Variants in WASF3 observed in about 807,000 individuals in gnomAD.
The protein encoded by WASF3 is actin-binding protein WASF3.
In WASF3, 11 loss-of-function variants were observed where a neutral mutation model predicts 46.6. The ratio of observed to expected loss-of-function variants is 0.24; its 90% confidence interval spans 0.15 to 0.39. WASF3 has a LOEUF of 0.39. Among genes scored for constraint, WASF3 ranks in the 10% least tolerant of loss-of-function variants. The pLI is 1.00. For missense variants in WASF3, 576 were observed against 669.8 expected (o/e 0.86, Z 1.55); for synonymous variants, 242 against 259.7 (o/e 0.93, Z 0.65).
intron 2 of WASF3, chr13:26,640,373 G>T (rs750095187): frequency 2.0e-5 from 3 of 151,714 alleles, no homozygotes. Flanking sequence ...CCTTAAGTAG[G>T]AAGTTAAGAT....
intron 1 of WASF3, among the ~76,000 whole-genome samples, chr13:26,609,771 T>C (rs1880913910): frequency 6.6e-6 from 1 of 152,184 alleles, no homozygotes; most frequent in African/African-American, 2.4e-5. Flanking sequence ...GATTACCCAG[T>C]CTGTTCCTCT....
At chr13:26,617,744 C>G (rs1881177969) in intron 2 of WASF3, among the ~76,000 whole-genome samples, 1 of 152,098 alleles carries the variant, frequency 6.6e-6, no homozygotes, top group Non-Finnish European at 1.5e-5. Flanking sequence ...TGGCTGTGTT[C>G]CCACCCAAAA....
At position 26,682,733 on chromosome 13, in the gene WASF3, G is replaced by A. The variant is rs940944383; in HGVS notation, c.1110G>A (p.Pro370=). Residue 370 remains proline, a synonymous_variant, in exon 9 of 10, where the codon CCG becomes CCA. Coordinates refer to ENST00000335327, the MANE Select transcript of WASF3 (RefSeq NM_006646.6). The surrounding 1 kb of genome is among the most constrained non-coding windows in gnomAD (Gnocchi z 4.4). The part of the protein sequence containing the change: ...VSPLQMPMQP[P]FPASASSTHA... ...CTCTCCAGATGCCCATGCAGCCCCC[G>A]TTCCCTGCATCAGCCAGCTCCACGC... 26 of 1,613,636 alleles carry A rather than the reference G, an allele frequency of 1.6e-5. No homozygotes were observed. The highest frequency in any genetic ancestry group is 1.1e-4 in the East Asian group (5 of 44,874).
At chr13:26,678,369 A>C (rs1670529145) in intron 7 of WASF3, among the ~76,000 whole-genome samples, 1 of 152,166 alleles carries the variant, frequency 6.6e-6, no homozygotes, top group Non-Finnish European at 1.5e-5. Flanking sequence ...CTATAGTTTC[A>C]CCATGCAGAG....
intron 7 of WASF3, among the ~76,000 whole-genome samples, chr13:26,678,638 C>T (rs1455606684): frequency 1.3e-5 from 2 of 151,868 alleles, no homozygotes; most frequent in Non-Finnish European, 1.5e-5. Context: ...AGTAATATAC[C>T]GTAACCCATC....
At chr13:26,597,382 G>T (rs1380691640) in intron 1 of WASF3, among the ~76,000 whole-genome samples, 2 of 152,190 alleles carry the variant, frequency 1.3e-5, no homozygotes, top group Non-Finnish European at 2.9e-5. Context: ...TGATCTGCCC[G>T]CCTGGGCCTC....
At chr13:26,664,971 A>C in intron 3 of WASF3, 57 bp from the exon 4 acceptor site, 3 of 1,587,758 alleles carry the variant, frequency 1.9e-6, no homozygotes, top group Non-Finnish European at 8.6e-7. Flanking sequence ...AGGATGTGTG[A>C]GGGCCGCTTC....
chr13:26,547,108 T>TAAAGC, the WASF3 span, among the ~76,000 whole-genome samples: 1 of 152,132 alleles, frequency 6.6e-6, no homozygotes, highest in Non-Finnish European at 1.5e-5. Flanking sequence ...GTTTTTTTTT[T>TAAAGC]TCCCCTGAGT....
chr13:26,573,111 T>G (rs904946004), intron 1 of WASF3, among the ~76,000 whole-genome samples: 15 of 152,140 alleles, frequency 9.9e-5, no homozygotes, highest in Non-Finnish European at 2.9e-5. Context: ...CTGGGTTTTT[T>G]GGGGGAGGGT....
At chr13:26,557,881 C>A (rs1195890055) in intron 1 of WASF3, 62 bp downstream of exon 1, 2 of 293,702 alleles carry the variant, frequency 6.8e-6, no homozygotes, top group East Asian at 1.1e-4. Context: ...CTCTCGGCTC[C>A]GGGCCGGGCG....
chr13:26,643,779 C>T (rs993850088), intron 3 of WASF3, among the ~76,000 whole-genome samples: 3 of 152,140 alleles, frequency 2.0e-5, no homozygotes, highest in African/African-American at 7.2e-5. Context: ...TAATAATCGG[C>T]GGAGTGTTGT....
At chr13:26,672,014 G>A (rs777003264) in intron 6 of WASF3, 25 bp downstream of exon 6, 11 of 1,440,594 alleles carry the variant, frequency 7.6e-6, no homozygotes, top group Middle Eastern at 3.5e-4. Context: ...TATGGGAAAT[G>A]TGCATATCAG....
chr13:26,620,289 C>T (rs933780318), intron 2 of WASF3, among the ~76,000 whole-genome samples: 2 of 151,856 alleles, frequency 1.3e-5, no homozygotes, highest in Non-Finnish European at 2.9e-5. Flanking sequence ...CAATAAAGGA[C>T]TATAAAACAG....
At chr13:26,601,871 C>G (rs1217568233) in intron 1 of WASF3, among the ~76,000 whole-genome samples, 1 of 152,190 alleles carries the variant, frequency 6.6e-6, no homozygotes, top group Non-Finnish European at 1.5e-5. Context: ...TACACAAATG[C>G]AAAGATATCA....
chr13:26,542,330 C>G, the WASF3 span, among the ~76,000 whole-genome samples: 1 of 152,270 alleles, frequency 6.6e-6, no homozygotes, highest in South Asian at 2.1e-4. Context: ...TAGCAAATGT[C>G]TGTTACAGCA....
chr13:26,685,903 T>C lies in WASF3; in HGVS notation c.*58T>C. 1 of 1,586,002 alleles carries C rather than the reference T, an allele frequency of 6.3e-7. No individual in the cohort carries two copies. The highest frequency in any genetic ancestry group is 1.7e-5 in the Admixed American group (1 of 58,846). On this transcript the variant is annotated 3_prime_UTR_variant, in exon 10 of 10. Coordinates refer to ENST00000335327, the MANE Select transcript of WASF3 (RefSeq NM_006646.6). ...CGTGTTGAAGATTTTAAGTGGTCTC[T>C]ACACCCAAATAGTGGTATTCTAATC...
At chr13:26,545,600 G>T in the WASF3 span, among the ~76,000 whole-genome samples, 14 of 152,092 alleles carry the variant, frequency 9.2e-5, no homozygotes, top group South Asian at 2.9e-3. Context: ...GTTTATTTAT[G>T]TATTTATGTA....
intron 2 of WASF3, among the ~76,000 whole-genome samples, chr13:26,622,234 A>G (rs1881328968): frequency 6.6e-6 from 1 of 152,228 alleles, no homozygotes; most frequent in African/African-American, 2.4e-5. Flanking sequence ...CAGGTTCTGC[A>G]AACTGGTTGT....
At chr13:26,660,115 G>T (rs1213249584) in intron 3 of WASF3, among the ~76,000 whole-genome samples, 1 of 147,958 alleles carries the variant, frequency 6.8e-6, no homozygotes, top group Non-Finnish European at 1.5e-5. Flanking sequence ...TGTGTCAGTA[G>T]CTTTTAAAAG....
Sources: gnomAD v4.1 joint callset for allele counts (sites outside exome capture counted in the v4.1 genomes callset) on GRCh38, gnomAD v4.1.1 for gene constraint, Gnocchi (gnomAD v3.1) non-coding constraint, MANE v1.5 for transcripts, NCBI Gene and HGNC (gene_info 2026-07-23, HGNC 2026-07-21) for gene names.